The following PHF8 variants were observed in gnomAD, a reference collection of about 807,000 sequenced individuals.
The protein encoded by PHF8 is histone lysine demethylase PHF8.
In PHF8, 9 loss-of-function variants were observed where a neutral mutation model predicts 74.4. The observed-to-expected ratio is 0.12, with a 90% CI of 0.07 to 0.21. The LOEUF (loss-of-function observed/expected upper bound fraction) is 0.21. Among genes scored for constraint, PHF8 ranks in the 10% least tolerant of loss-of-function variants. The probability of loss-of-function intolerance (pLI) is 1.00; values close to 1 mark genes in which losing one functional copy is unlikely to be tolerated. For missense variants in PHF8, 478 were observed against 816.6 expected, an observed-to-expected ratio of 0.59 and a Z score of 5.05; for synonymous variants, 311 against 316.6, an observed-to-expected ratio of 0.98 and a Z score of 0.19.
intron 18 of PHF8, among the ~76,000 whole-genome samples, chrX:53,968,808 C>T (rs782723026): frequency 8.9e-6 from 1 of 111,758 alleles, no homozygotes; most frequent in South Asian, 3.7e-4. Context: ...TACTTGGAGG[C>T]TGAGGCAGGA....
chrX:53,968,097 C>G (rs1274060043), intron 18 of PHF8, among the ~76,000 whole-genome samples: 1 of 102,702 alleles, frequency 9.7e-6, no homozygotes, highest in Non-Finnish European at 2.0e-5. Context: ...GTGAGAAACA[C>G]CCAAGAATGA....
intron 14 of PHF8, among the ~76,000 whole-genome samples, chrX:53,989,903 AT>A (rs782137036): frequency 2.1e-4 from 24 of 112,053 alleles, no homozygotes; most frequent in Non-Finnish European, 3.9e-4. Flanking sequence ...TAAAATGGGG[AT>A]ACTACTACTT....
chrX:54,015,575 C>CAAAAA (rs202093690), intron 6 of PHF8, among the ~76,000 whole-genome samples: 12 of 32,904 alleles, frequency 3.6e-4, no homozygotes, highest in African/African-American at 4.9e-4. Flanking sequence ...AACTCCGTCT[C>CAAAAA]AAAAAAAAAA....
chrX:54,022,387 G>C lies in PHF8; in HGVS notation c.185-20C>G, dbSNP rs782642968. On this transcript the variant is annotated intron_variant, in intron 3 of 21. Coordinates refer to ENST00000338154, the MANE Select transcript of PHF8 (RefSeq NM_015107.3). Reference sequence around the variant, plus strand: ...TTTTCACTAAGCCAGAAAAACATGAGAGATTGTGAGTCAGAACGGTCATGA... The same window carrying C: ...TTTTCACTAAGCCAGAAAAACATGACAGATTGTGAGTCAGAACGGTCATGA... 8.0e-6 allele frequency: 8 copies of C among 1,005,444 alleles called. No homozygotes were observed. In the East Asian group the frequency reaches 2.4e-4, roughly 30 times the overall value. The allele number at this position is 1,005,444 out of a possible 1,213,427, so 82.9% of individuals were successfully genotyped here.
At chrX:53,944,995 C>T (rs1557084718) in intron 19 of PHF8, among the ~76,000 whole-genome samples, 1 of 109,934 alleles carries the variant, frequency 9.1e-6, no homozygotes, top group Non-Finnish European at 1.9e-5. Context: ...GCACTCCAGC[C>T]TCAGCGACAC....
At chrX:54,043,644 C>A in intron 1 of PHF8, 118 bp downstream of exon 1, 1 of 144,633 alleles carries the variant, frequency 6.9e-6, no homozygotes, top group Non-Finnish European at 1.2e-5. Context: ...AAACTGGCAG[C>A]GTTTCCTTGC....
At chrX:53,982,964 C>G (rs1282514569) in intron 18 of PHF8, among the ~76,000 whole-genome samples, 5 of 111,741 alleles carry the variant, frequency 4.5e-5, no homozygotes, top group African/African-American at 1.6e-4. Flanking sequence ...GAGACCAAGG[C>G]AGGAGGACCA....
intron 14 of PHF8, among the ~76,000 whole-genome samples, 175 bp from the exon 15 acceptor site, chrX:53,988,119 C>G (rs1557100292): frequency 8.9e-6 from 1 of 111,933 alleles, no homozygotes; most frequent in African/African-American, 3.2e-5. Context: ...GGACCTAACA[C>G]AGCCAAAATA....
At chrX:54,034,216 C>T (rs2066411105) in intron 2 of PHF8, among the ~76,000 whole-genome samples, 1 of 111,245 alleles carries the variant, frequency 9.0e-6, no homozygotes, top group Admixed American at 9.6e-5. Context: ...AAAGACAAAC[C>T]GGAACAAATC....
chrX:53,938,792 G>A lies in PHF8; in HGVS notation c.*366C>T. Reference sequence around the variant, plus strand: ...CAAGCACTGGGCTTCCCACTTCATGGCTCAGGCTCCTTCATACCTCTCCTC... The same window carrying A: ...CAAGCACTGGGCTTCCCACTTCATGACTCAGGCTCCTTCATACCTCTCCTC... On this transcript the variant is annotated 3_prime_UTR_variant, in exon 22 of 22. Transcript: ENST00000338154. 1 of 790,108 alleles carries A rather than the reference G, an allele frequency of 1.3e-6. No homozygotes were observed. Among genetic ancestry groups the A allele is most frequent in the Non-Finnish European group, 1.5e-6 (1 of 662,736 alleles). 65.1% of individuals were successfully genotyped at this position (790,108 alleles called of 1,213,427 possible). A position where few individuals can be genotyped will look rare whatever the true frequency, so the allele number is the denominator to read the frequency against.
chrX:53,942,681 T>C (rs893431271), intron 20 of PHF8: 25 of 716,417 alleles, frequency 3.5e-5, no homozygotes, highest in Non-Finnish European at 4.1e-5. Context: ...ACCACGAATG[T>C]TGTAGAAGCA....
intron 5 of PHF8, 58 bp from the exon 6 acceptor site, chrX:54,016,794 T>G: frequency 2.1e-6 from 2 of 970,359 alleles, no homozygotes; most frequent in Non-Finnish European, 2.9e-6. Flanking sequence ...GAAGACTCTC[T>G]TGTCCCCTCA....
intron 7 of PHF8, among the ~76,000 whole-genome samples, chrX:54,012,453 T>C (rs1021086488): frequency 1.6e-4 from 18 of 111,947 alleles, no homozygotes; most frequent in African/African-American, 5.8e-4. Flanking sequence ...TGTGATCACT[T>C]GGACAAGAGC....
intron 20 of PHF8, chrX:53,943,269 C>T (rs1053605030): frequency 3.2e-6 from 3 of 947,826 alleles, no homozygotes; most frequent in South Asian, 5.7e-5. Context: ...GATGTAATGA[C>T]TGAACTACAT....
chrX:54,024,578 ACT>A (rs1301682021), intron 2 of PHF8, among the ~76,000 whole-genome samples: 3 of 111,142 alleles, frequency 2.7e-5, no homozygotes, highest in Admixed American at 9.6e-5. Flanking sequence ...CAACATTGGC[ACT>A]CTCTTCAACA....
intron 19 of PHF8, among the ~76,000 whole-genome samples, chrX:53,948,940 G>A (rs1359488792): frequency 5.5e-5 from 6 of 109,409 alleles, no homozygotes; most frequent in Admixed American, 9.8e-5. Context: ...GAGGAGAATC[G>A]CTTGAACCCA....
chrX:53,958,732 C>A lies in PHF8; in HGVS notation c.2539+4112G>T, dbSNP rs188888287. ...CGGAGCTTGCAGTGAGCAGAGATCG[C>A]GCCACTGCACTCCAGCCTGGGCGAC... On this transcript the variant is annotated intron_variant, in intron 19 of 21. Transcript: ENST00000338154. 6.7e-3 allele frequency among the ~76,000 whole-genome samples: 638 copies of A among 95,440 alleles called. 4 individuals carry two copies. Among genetic ancestry groups the A allele is most frequent in the African/African-American group, 0.024 (614 of 25,280 alleles). The allele number at this position is 95,440 out of a possible 115,157, so 82.9% of individuals were successfully genotyped here.
intron 13 of PHF8, chrX:53,993,059 C>T (rs1473942921): frequency 7.3e-6 from 3 of 408,780 alleles, no homozygotes; most frequent in Non-Finnish European, 1.3e-5. Flanking sequence ...GAACCATGTT[C>T]CCTTAAAAAA....
chrX:53,958,381 G>A (rs945848227), intron 19 of PHF8, among the ~76,000 whole-genome samples: 1 of 107,356 alleles, frequency 9.3e-6, no homozygotes. Context: ...ACATAACAGC[G>A]TATAAAATAC....
Sources: gnomAD v4.1 joint callset for allele counts (sites outside exome capture counted in the v4.1 genomes callset) on GRCh38, gnomAD v4.1.1 for gene constraint, MANE v1.5 for transcripts, NCBI Gene and HGNC (gene_info 2026-07-23, HGNC 2026-07-21) for gene names.